Variants in RTN4 observed in about 807,000 individuals in gnomAD.
RTN4 encodes the protein reticulon-4.
RTN4 carries 32 observed loss-of-function variants against 90.4 expected under a neutral mutation model. That is an observed-to-expected ratio of 0.35 (90% CI 0.27 to 0.48). The LOEUF is 0.48. Among genes scored for constraint, RTN4 ranks in the 20% least tolerant of loss-of-function variants. The pLI is 0.99. For synonymous variants in RTN4, 629 were observed against 552.5 expected, an observed-to-expected ratio of 1.14 and a Z score of -1.94; for missense variants, 1,706 against 1,430.2, an observed-to-expected ratio of 1.19 and a Z score of -3.11.
intron 2 of RTN4, among the ~76,000 whole-genome samples, chr2:55,078,873 G>A (rs1479616020): frequency 6.6e-6 from 1 of 152,102 alleles, no homozygotes; most frequent in African/African-American, 2.4e-5. Flanking sequence ...GATCACAGAA[G>A]TAGAAAAACT....
chr2:55,049,998 G>C lies in RTN4; in HGVS notation c.303C>G (p.Ala101=). 1 of 1,377,318 alleles carries C rather than the reference G, an allele frequency of 7.3e-7. No individual in the cohort carries two copies. Among genetic ancestry groups the C allele is most frequent in the Non-Finnish European group, 9.3e-7 (1 of 1,072,738 alleles). The allele number at this position is 1,377,318 out of a possible 1,614,324, so 85.3% of individuals were successfully genotyped here. ...RGPLPAAPPV[A]PERQPSWDPS... is the part of the protein sequence containing the mutation. Reference sequence around the variant, plus strand: ...GGTCCCAAGACGGCTGCCGCTCCGGGGCGACGGGGGGAGCGGCCGGCAGGG... The same window carrying C: ...GGTCCCAAGACGGCTGCCGCTCCGGCGCGACGGGGGGAGCGGCCGGCAGGG... Residue 101 remains alanine (A), a synonymous_variant, in exon 1 of 9, where the codon GCC becomes GCG. Transcript: ENST00000337526.
chr2:54,998,093 T>C (rs929141207), intron 3 of RTN4, among the ~76,000 whole-genome samples: 1 of 152,048 alleles, frequency 6.6e-6, no homozygotes, highest in African/African-American at 2.4e-5. Context: ...CAAAAGGCCA[T>C]ATATTTTATG....
intron 5 of RTN4, 54 bp from the exon 6 acceptor site, chr2:54,974,818 A>T (rs1677483091): frequency 1.3e-6 from 2 of 1,492,484 alleles, no homozygotes; most frequent in Non-Finnish European, 1.9e-6. Context: ...AAAGTTTCTT[A>T]ATTATGCTTT....
At chr2:54,980,800 T>C (rs1013374837) in intron 5 of RTN4, among the ~76,000 whole-genome samples, 2 of 152,170 alleles carry the variant, frequency 1.3e-5, no homozygotes, top group African/African-American at 2.4e-5. Context: ...CCACAAACCA[T>C]CCATCTTAAG....
intron 3 of RTN4, among the ~76,000 whole-genome samples, chr2:54,996,368 A>C (rs1414939542): frequency 6.6e-6 from 1 of 152,242 alleles, no homozygotes; most frequent in African/African-American, 2.4e-5. Flanking sequence ...TAAGGGATCC[A>C]AAAAATCAAG....
intron 3 of RTN4, among the ~76,000 whole-genome samples, chr2:55,006,548 G>C (rs1294000599): frequency 1.3e-5 from 2 of 152,094 alleles, no homozygotes; most frequent in East Asian, 3.8e-4. Context: ...CTGCAGAAAT[G>C]GTCCAAAACT....
chr2:55,049,755 C>G lies in RTN4; in HGVS notation c.546G>C (p.Ser182=), dbSNP rs752445810. ...TPAAPKRRGS[S]GSVDETLFAL... The stretch of plus-strand genomic sequence containing the variant: ...GGTCGCGGCACTCACCCACTGAGCC[C>G]GAGGAGCCCCTGCGCTTGGGCGCGG... The change falls in exon 1 of 9, where the codon TCG becomes TCC. Residue 182 remains serine (S), a synonymous_variant. Coordinates refer to ENST00000337526, the MANE Select transcript of RTN4 (RefSeq NM_020532.5). The G allele has an allele frequency of 5.7e-5, 77 of 1,343,724 alleles. No homozygotes were observed. Among genetic ancestry groups the G allele is most frequent in the South Asian group, 1.4e-4 (7 of 51,790 alleles). 83.2% of individuals were successfully genotyped at this position (1,343,724 alleles called of 1,614,324 possible). A position where few individuals can be genotyped will look rare whatever the true frequency, so the allele number is the denominator to read the frequency against.
chr2:54,990,725 G>A (rs1009120728), intron 3 of RTN4, among the ~76,000 whole-genome samples: 1 of 152,014 alleles, frequency 6.6e-6, no homozygotes, highest in Non-Finnish European at 1.5e-5. Context: ...CTATTATAGG[G>A]TAAGTAAAAG....
chr2:55,116,576 C>T (rs2105073503), upstream of RTN4, among the ~76,000 whole-genome samples: 1 of 152,320 alleles, frequency 6.6e-6, no homozygotes, highest in Non-Finnish European at 1.5e-5. Context: ...TAGGCAGATG[C>T]TAAGCACTTT....
intron 1 of RTN4, among the ~76,000 whole-genome samples, chr2:55,096,578 C>A (rs1264272279): frequency 6.6e-6 from 1 of 152,208 alleles, no homozygotes; most frequent in Non-Finnish European, 1.5e-5. Context: ...GTTATCAAAG[C>A]TCTAATCATA....
At chr2:55,051,562 T>C (rs1056069874), upstream of RTN4, among the ~76,000 whole-genome samples, 1 of 152,214 alleles carries the variant, frequency 6.6e-6, no homozygotes, top group Non-Finnish European at 1.5e-5. Context: ...CTTTCAAAAA[T>C]ATTCACTGCA....
At chr2:54,994,063 A>T (rs1679230864) in intron 3 of RTN4, among the ~76,000 whole-genome samples, 1 of 152,238 alleles carries the variant, frequency 6.6e-6, no homozygotes, top group South Asian at 2.1e-4. Flanking sequence ...TAATAAAAAA[A>T]TTTTGAAAGA....
intron 3 of RTN4, among the ~76,000 whole-genome samples, chr2:54,989,085 G>A (rs73936518): frequency 0.033 from 4,996 of 152,290 alleles, 270 homozygotes; most frequent in African/African-American, 0.11. Context: ...TAAGATGTAT[G>A]TAACTTTCCT....
At chr2:55,127,874 T>A in the RTN4 span, among the ~76,000 whole-genome samples, 1 of 151,960 alleles carries the variant, frequency 6.6e-6, no homozygotes, top group South Asian at 2.1e-4. Flanking sequence ...TAATGATAAA[T>A]GCTTTTGTGT....
chr2:55,035,715 G>C (rs1259518798), intron 1 of RTN4, among the ~76,000 whole-genome samples: 27 of 152,084 alleles, frequency 1.8e-4, no homozygotes, highest in Admixed American at 1.8e-3. Flanking sequence ...CAGAGACTGA[G>C]AGACAGAGAG....
intron 1 of RTN4, among the ~76,000 whole-genome samples, chr2:55,096,446 T>C (rs986566703): frequency 1.3e-5 from 2 of 152,142 alleles, no homozygotes; most frequent in Non-Finnish European, 2.9e-5. Flanking sequence ...CTGGAATCTA[T>C]CATTCATCAG....
At chr2:55,040,150 T>C (rs1057363815) in intron 1 of RTN4, among the ~76,000 whole-genome samples, 3 of 152,332 alleles carry the variant, frequency 2.0e-5, no homozygotes, top group South Asian at 2.1e-4. Context: ...TTCTATATTC[T>C]GATTTTCAAT....
chr2:55,058,530 T>C (rs916324289), intron 2 of RTN4, among the ~76,000 whole-genome samples: 7 of 152,258 alleles, frequency 4.6e-5, no homozygotes, highest in Non-Finnish European at 1.0e-4. Context: ...CTGAACTTTT[T>C]GTTGACGAAA....
intron 5 of RTN4, among the ~76,000 whole-genome samples, chr2:54,980,694 A>AC (rs534864950): frequency 4.8e-4 from 73 of 152,044 alleles, no homozygotes; most frequent in African/African-American, 1.7e-3. Flanking sequence ...TCTCTCCCCC[A>AC]CCAATCTTTG....
Sources: allele counts gnomAD v4.1 joint callset (sites outside exome capture counted in the v4.1 genomes callset), GRCh38; gene constraint gnomAD v4.1.1; transcripts MANE v1.5; gene names NCBI Gene and HGNC (gene_info 2026-07-23, HGNC 2026-07-21).